Variants in TNN observed in about 807,000 individuals in gnomAD.
The protein encoded by TNN is tenascin N, also known as tenascin-N.
Under a neutral mutation model 134.4 loss-of-function variants are expected in TNN, and 122 were observed. That is an observed-to-expected ratio of 0.91 (90% CI 0.78 to 1.06). TNN has a LOEUF of 1.06. Ranked by LOEUF, TNN falls within the 50% of genes least tolerant of loss-of-function variation. TNN has a pLI of 0.00. For missense variants in TNN, 1,739 were observed against 1,699.4 expected, an observed-to-expected ratio of 1.02 and a Z score of -0.41; for synonymous variants, 710 against 670.3, an observed-to-expected ratio of 1.06 and a Z score of -0.91.
intron 7 of TNN, among the ~76,000 whole-genome samples, chr1:175,096,822 C>T (rs1320727210): frequency 6.6e-6 from 1 of 152,148 alleles, no homozygotes; most frequent in Non-Finnish European, 1.5e-5. Flanking sequence ...AAGTTAGCCA[C>T]CAGGAAGAGA....
intron 12 of TNN, among the ~76,000 whole-genome samples, chr1:175,125,881 CT>C (rs1251723698): frequency 1.4e-4 from 9 of 66,418 alleles, no homozygotes; most frequent in South Asian, 4.9e-4. Flanking sequence ...TCTTTCTTTT[CT>C]TTTTTTCTTT....
intron 17 of TNN, 81 bp from the exon 18 acceptor site, chr1:175,144,306 G>A (rs1313907255): frequency 2.2e-6 from 3 of 1,385,700 alleles, no homozygotes; most frequent in Non-Finnish European, 1.0e-6. Flanking sequence ...CATGCCTAGA[G>A]ATCTTCCTGC....
intron 7 of TNN, among the ~76,000 whole-genome samples, chr1:175,094,669 A>G (rs1303759116): frequency 2.0e-5 from 3 of 152,210 alleles, no homozygotes; most frequent in African/African-American, 7.2e-5. Flanking sequence ...TTGCATCCTA[A>G]GTCAACATTT....
At chr1:175,139,399 TTAA>T (rs1675893392) in intron 17 of TNN, among the ~76,000 whole-genome samples, 1 of 152,228 alleles carries the variant, frequency 6.6e-6, no homozygotes, top group South Asian at 2.1e-4. Context: ...TTTTTACTTT[TTAA>T]ACCTTTGTGT....
Position 175,147,870 on chromosome 1 carries a change from G to C in TNN, c.*799G>C, listed in dbSNP as rs970962029. 6.6e-6 allele frequency: 1 copy of C among 151,954 alleles called. No homozygotes were observed. The highest frequency in any genetic ancestry group is 2.4e-5 in the African/African-American group (1 of 41,342). 9.4% of individuals were successfully genotyped at this position (151,954 alleles called of 1,614,324 possible). A position where few individuals can be genotyped will look rare whatever the true frequency, so the allele number is the denominator to read the frequency against. ...AGGCCTCAGACTCCCTCTTTTCCCC[G>C]CCCTGCACTATTGGAGCCCTGGGTT... On this transcript the variant is annotated 3_prime_UTR_variant, in exon 19 of 19. Coordinates refer to ENST00000239462, the MANE Select transcript of TNN (RefSeq NM_022093.2).
intron 12 of TNN, among the ~76,000 whole-genome samples, chr1:175,124,369 T>C (rs1479995065): frequency 6.6e-6 from 1 of 152,200 alleles, no homozygotes; most frequent in Non-Finnish European, 1.5e-5. Flanking sequence ...AATAGAGACG[T>C]GTTAAAACAA....
At chr1:175,131,670 A>G (rs1414773993) in intron 15 of TNN, among the ~76,000 whole-genome samples, 2 of 152,202 alleles carry the variant, frequency 1.3e-5, no homozygotes, top group Admixed American at 6.5e-5. Context: ...TATTATATCT[A>G]TATATGCCAG....
chr1:175,109,333 C>T (rs1338369758), intron 9 of TNN, among the ~76,000 whole-genome samples: 1 of 150,976 alleles, frequency 6.6e-6, no homozygotes, highest in Non-Finnish European at 1.5e-5. Context: ...CATGATGCAC[C>T]CGCCTCGGCC....
intron 1 of TNN, among the ~76,000 whole-genome samples, chr1:175,074,128 C>A (rs955870262): frequency 6.6e-6 from 1 of 152,154 alleles, no homozygotes; most frequent in Non-Finnish European, 1.5e-5. Context: ...CTGCCACCCC[C>A]ACTAATTCAC....
chr1:175,082,612 G>A (rs527321779), intron 4 of TNN, among the ~76,000 whole-genome samples: 1 of 152,330 alleles, frequency 6.6e-6, no homozygotes, highest in South Asian at 2.1e-4. Context: ...AAGGCTCTGT[G>A]AGGCTCTTTA....
At chr1:175,129,031 G>A (rs1207501982) in intron 15 of TNN, among the ~76,000 whole-genome samples, 1 of 152,086 alleles carries the variant, frequency 6.6e-6, no homozygotes, top group African/African-American at 2.4e-5. Context: ...GTAAAGTGGT[G>A]AAAGTACAGC....
At chr1:175,097,749 C>A in intron 8 of TNN, 66 bp downstream of exon 8, 32 of 1,595,510 alleles carry the variant, frequency 2.0e-5, no homozygotes, top group Non-Finnish European at 2.6e-5. Context: ...GGTATGGTAT[C>A]AAAGGATGTG....
chr1:175,099,339 G>A (rs1457080212), intron 9 of TNN, among the ~76,000 whole-genome samples: 2 of 151,752 alleles, frequency 1.3e-5, no homozygotes, highest in South Asian at 2.1e-4. Context: ...GGGTGAGGAC[G>A]GGCAGAAGTG....
At chr1:175,134,544 C>CAAAA (rs33947435) in intron 15 of TNN, among the ~76,000 whole-genome samples, 9 of 146,934 alleles carry the variant, frequency 6.1e-5, no homozygotes, top group African/African-American at 1.3e-4. Flanking sequence ...GACTCCATCT[C>CAAAA]AAAAAACAAA....
In TNN at chr1:175,142,624, C is replaced by CA. The variant is rs567058829; in HGVS notation, c.3596-1763_3596-1762insA. On this transcript the variant is annotated intron_variant, in intron 17 of 18. Coordinates refer to ENST00000239462, the MANE Select transcript of TNN (RefSeq NM_022093.2). ...ATAATTTGCATTTCTTTTTTCTTTT[C>CA]TTTTTTTTTTTGAGATGGAGACTCA... Among the ~76,000 whole-genome samples, 6 of 146,700 alleles carry CA rather than the reference C, an allele frequency of 4.1e-5. 1 individual carries two copies. Among genetic ancestry groups the CA allele is most frequent in the Non-Finnish European group, 9.0e-5 (6 of 66,658 alleles).
In TNN at chr1:175,127,023, C is replaced by A; in HGVS notation, c.2983C>A (p.Pro995Thr). The A allele has an allele frequency of 1.2e-6, 2 of 1,614,084 alleles. No homozygotes were observed. Among genetic ancestry groups the A allele is most frequent in the Non-Finnish European group, 1.7e-6 (2 of 1,179,956 alleles). The change falls in exon 13 of 19, where the codon CCC (proline) becomes ACC (threonine). Residue 995 changes from proline to threonine, a missense_variant. Pro to Thr is a conservative substitution (Grantham distance 38, BLOSUM62 -1). Transcript: ENST00000239462. ...GTCTGGTGGCATATTGACCTGGACG[C>A]CCCCCTCTGCTCAGATCCACGGCTA... ...TQSGGILTWT[P>T]PSAQIHGYIL...
intron 11 of TNN, among the ~76,000 whole-genome samples, chr1:175,119,629 CTTTTTTTTCTTT>C (rs1675292266): frequency 7.5e-6 from 1 of 133,498 alleles, no homozygotes; most frequent in Non-Finnish European, 1.5e-5. Flanking sequence ...CCATGAATGC[CTTTTTTTTCTTT>C]TTTTTTTTTT....
At chr1:175,068,270 AT>A (rs907227061) in intron 1 of TNN, among the ~76,000 whole-genome samples, 2 of 149,292 alleles carry the variant, frequency 1.3e-5, no homozygotes, top group African/African-American at 4.9e-5. Flanking sequence ...GTTCCTTCTC[AT>A]TTTTTTTTCT....
intron 9 of TNN, among the ~76,000 whole-genome samples, chr1:175,109,999 A>T (rs1001991620): frequency 6.6e-6 from 1 of 152,066 alleles, no homozygotes; most frequent in Non-Finnish European, 1.5e-5. Context: ...CCCTTTCTCC[A>T]CATCCTCACC....
Sources: gnomAD v4.1 joint callset for allele counts (sites outside exome capture counted in the v4.1 genomes callset) on GRCh38, gnomAD v4.1.1 for gene constraint, MANE v1.5 for transcripts, NCBI Gene and HGNC (gene_info 2026-07-23, HGNC 2026-07-21) for gene names.